Variants in BET1 observed in about 807,000 individuals in gnomAD.
BET1 encodes the protein Bet1 golgi vesicular membrane trafficking protein, also known as BET1 homolog.
BET1 carries 9 observed loss-of-function variants against 13.9 expected under a neutral mutation model. That is an observed-to-expected ratio of 0.65 (90% CI 0.39 to 1.13). The LOEUF (loss-of-function observed/expected upper bound fraction) is 1.13, where lower values mean the gene tolerates loss of function less well. BET1 is among the 50% of genes most tolerant of loss of function. The pLI is 0.01. For synonymous variants in BET1, 39 were observed against 47.3 expected (o/e 0.82, Z 0.72); for missense variants, 127 against 133.6 (o/e 0.95, Z 0.24).
In BET1 at chr7:94,003,252, AC is replaced by A. The variant is rs1287228927; in HGVS notation, c.19+945del. On this transcript the variant is annotated intron_variant, in intron 1 of 3. Coordinates refer to ENST00000222547, the MANE Select transcript of BET1 (RefSeq NM_005868.6). ...TATTCATAAAAACTTCATTAAAAAA[AC>A]AAAAAACTTTCTCATACTACAATTT... Among the ~76,000 whole-genome samples the A allele has an allele frequency of 1.6e-4, 24 of 152,272 alleles. No individual in the cohort carries two copies. The East Asian group carries it at 4.0e-3, about 26-fold the overall frequency.
intron 1 of BET1, 97 bp from the exon 2 acceptor site, chr7:93,999,391 C>A: frequency 1.4e-6 from 2 of 1,430,532 alleles, no homozygotes; most frequent in East Asian, 4.8e-5. Flanking sequence ...GAGGGCCTTG[C>A]AAACCACATA....
intron 4 of BET1, among the ~76,000 whole-genome samples, chr7:93,980,564 A>G (rs993889850): frequency 6.6e-6 from 1 of 152,220 alleles, no homozygotes; most frequent in Non-Finnish European, 1.5e-5. Flanking sequence ...GATAAAATTT[A>G]ACACACTTCC....
intron 2 of BET1, among the ~76,000 whole-genome samples, chr7:93,998,705 A>C (rs1409872733): frequency 6.6e-6 from 1 of 152,182 alleles, no homozygotes; most frequent in Non-Finnish European, 1.5e-5. Context: ...ATCTCAAAAA[A>C]AAAGAAAAGA....
chr7:93,975,693 T>C (rs898594362), intron 5 of BET1, among the ~76,000 whole-genome samples: 1 of 152,144 alleles, frequency 6.6e-6, no homozygotes, highest in Non-Finnish European at 1.5e-5. Context: ...TCATCCTTTA[T>C]GTTTTAATTA....
intron 1 of BET1, among the ~76,000 whole-genome samples, chr7:94,000,111 T>C (rs1281746141): frequency 6.6e-6 from 1 of 151,294 alleles, no homozygotes; most frequent in East Asian, 1.9e-4. Context: ...ACTATACTTT[T>C]TTTTTTTTTT....
At chr7:93,991,878 T>C, downstream of BET1, 1 of 974,378 alleles carries the variant, frequency 1.0e-6, no homozygotes, top group Non-Finnish European at 1.2e-6. Flanking sequence ...TTTTTCAACA[T>C]TCTCTCAAAG....
chr7:94,001,956 T>C (rs1195839552), intron 1 of BET1, among the ~76,000 whole-genome samples: 3 of 152,236 alleles, frequency 2.0e-5, no homozygotes, highest in Non-Finnish European at 4.4e-5. Flanking sequence ...AGTGAAATTC[T>C]TGTTGTATTT....
Position 93,985,198 on chromosome 7 carries a change from A to G in BET1, c.236-9098T>C, listed in dbSNP as rs182194515. ...CTGTTGCTGGTCCTCTTTCAACTTCATAATCTACCTTGAGTCTGGGAAGAC... is the reference window on the plus strand; with the variant it reads ...CTGTTGCTGGTCCTCTTTCAACTTCGTAATCTACCTTGAGTCTGGGAAGAC... On this transcript the variant is annotated intron_variant and NMD_transcript_variant, in intron 4 of 6. Coordinates refer to the BET1 transcript ENST00000357520. Among the ~76,000 whole-genome samples the G allele has an allele frequency of 2.6e-5, 4 of 152,254 alleles. No individual in the cohort carries two copies. In the East Asian group the frequency reaches 7.7e-4, roughly 29 times the overall value.
At chr7:94,001,802 C>G (rs1795909749) in intron 1 of BET1, among the ~76,000 whole-genome samples, 1 of 152,184 alleles carries the variant, frequency 6.6e-6, no homozygotes, top group Non-Finnish European at 1.5e-5. Context: ...TAAGTAATTA[C>G]TGACTGGTTG....
In BET1 at chr7:93,987,501, T is replaced by C. The variant is rs190426804; in HGVS notation, c.235+6851A>G. On this transcript the variant is annotated intron_variant and NMD_transcript_variant, in intron 4 of 6. Coordinates refer to the BET1 transcript ENST00000357520. ...GAATCCAAGCTGGCATCATCTTCACTGTGGCTGGGTCATAGATTATCCCCT... is the reference window on the plus strand; with the variant it reads ...GAATCCAAGCTGGCATCATCTTCACCGTGGCTGGGTCATAGATTATCCCCT... Among the ~76,000 whole-genome samples the C allele has an allele frequency of 5.3e-5, 8 of 152,248 alleles. No individual in the cohort carries two copies. The East Asian group carries it at 1.5e-3, about 29-fold the overall frequency.
At chr7:93,992,235 G>C (rs766482825), downstream of BET1, 24 of 985,132 alleles carry the variant, frequency 2.4e-5, no homozygotes, top group Non-Finnish European at 2.9e-5. Flanking sequence ...GCAGTGATGA[G>C]AATCACTTTT....
At chr7:93,986,567 C>T (rs554621253) in intron 4 of BET1, among the ~76,000 whole-genome samples, 3 of 152,298 alleles carry the variant, frequency 2.0e-5, no homozygotes, top group East Asian at 3.9e-4. Flanking sequence ...CACTTGAATA[C>T]GTTCTTAATT....
At chr7:94,002,150 T>C (rs1795919200) in intron 1 of BET1, among the ~76,000 whole-genome samples, 1 of 152,168 alleles carries the variant, frequency 6.6e-6, no homozygotes, top group South Asian at 2.1e-4. Flanking sequence ...AGCTAGTGAG[T>C]ACTGAAGATC....
At chr7:93,977,184 G>T (rs1047113362) in intron 4 of BET1, among the ~76,000 whole-genome samples, 2 of 152,098 alleles carry the variant, frequency 1.3e-5, no homozygotes, top group Admixed American at 1.3e-4. Context: ...GGAGGGGCTG[G>T]GTACGGTGGC....
At chr7:93,979,058 C>T (rs186997820) in intron 4 of BET1, among the ~76,000 whole-genome samples, 41 of 152,300 alleles carry the variant, frequency 2.7e-4, no homozygotes, top group Non-Finnish European at 2.8e-4. Flanking sequence ...GCTTCTGCCA[C>T]TGATAGTTTT....
intron 6 of BET1, chr7:93,969,480 T>G (rs1795226192): frequency 6.6e-6 from 1 of 151,758 alleles, no homozygotes; most frequent in African/African-American, 2.4e-5. Context: ...ACTCACATTT[T>G]CCTACTCTAT....
At chr7:94,004,114 A>G in intron 1 of BET1, 84 bp downstream of exon 1, 4 of 1,595,548 alleles carry the variant, frequency 2.5e-6, no homozygotes, top group East Asian at 2.2e-5. Flanking sequence ...AATGCCAGGA[A>G]CATAAGACAG....
chr7:93,965,798 C>A (rs982258326), intron 6 of BET1: 1 of 151,952 alleles, frequency 6.6e-6, no homozygotes, highest in Admixed American at 6.6e-5. Context: ...GAAATGAAAT[C>A]AATAAATAAT....
chr7:93,981,649 A>T (rs1188192237), intron 4 of BET1, among the ~76,000 whole-genome samples: 3 of 152,208 alleles, frequency 2.0e-5, no homozygotes, highest in Non-Finnish European at 4.4e-5. Flanking sequence ...CAATTCCTGG[A>T]ATTCAAGTAA....
Sources: allele counts gnomAD v4.1 joint callset (sites outside exome capture counted in the v4.1 genomes callset), GRCh38; gene constraint gnomAD v4.1.1; transcripts MANE v1.5; gene names NCBI Gene and HGNC (gene_info 2026-07-23, HGNC 2026-07-21).